Variants in PLEKHA6 observed in about 807,000 individuals in gnomAD.
The protein encoded by PLEKHA6 is pleckstrin homology domain containing A6.
A neutral mutation model predicts 116.7 loss-of-function variants in PLEKHA6; 60 were observed. The observed-to-expected ratio is 0.51, with a 90% CI of 0.42 to 0.64. The LOEUF (loss-of-function observed/expected upper bound fraction) is 0.64, where lower values mean the gene tolerates loss of function less well. PLEKHA6 is among the 30% of genes least tolerant of loss of function. The pLI is 0.00. For synonymous variants in PLEKHA6, 489 were observed against 556.1 expected (o/e 0.88, Z 1.70); for missense variants, 1,338 against 1,422.7 (o/e 0.94, Z 0.96).
At chr1:204,369,223 A>G (rs1044706158) in intron 2 of PLEKHA6, 4 of 152,230 alleles carry the variant, frequency 2.6e-5, no homozygotes, top group African/African-American at 9.7e-5. Context: ...CTGCATAGCA[A>G]CATTATACAA....
At chr1:204,377,011 T>G (rs969215716) in intron 1 of PLEKHA6, among the ~76,000 whole-genome samples, 1 of 152,172 alleles carries the variant, frequency 6.6e-6, no homozygotes. Flanking sequence ...AAAGGCGCGC[T>G]CTCTCTCAAG....
chr1:204,297,017 T>C, intron 1 of PLEKHA6: 1 of 641,806 alleles, frequency 1.6e-6, no homozygotes, highest in Non-Finnish European at 1.9e-6. Flanking sequence ...ATTACCACCA[T>C]AACCAGAGAG....
upstream of PLEKHA6, among the ~76,000 whole-genome samples, chr1:204,361,201 TTTTG>T (rs1323646992): frequency 6.6e-6 from 1 of 152,192 alleles, no homozygotes; most frequent in East Asian, 1.9e-4. Flanking sequence ...TGATTGCATT[TTTTG>T]TTTATTATTA....
rs1009359171 is a variant in PLEKHA6, at chr1:204,238,306, T to C, written c.2409+3069A>G. Among the ~76,000 whole-genome samples the C allele has an allele frequency of 2.6e-5, 4 of 152,166 alleles. No homozygotes were observed. The highest frequency in any genetic ancestry group is 2.6e-4 in the Admixed American group (4 of 15,284). ...ACAGATCGGGATGCTGTTTGGAGCC[T>C]TTGGCAGGCCCCCATAGGTGAATCA... On this transcript the variant is annotated intron_variant, in intron 17 of 22. Transcript: ENST00000272203. This position sits in a 1 kb window ranked among gnomAD's most constrained non-coding sequence, Gnocchi z 4.2.
intron 1 of PLEKHA6, among the ~76,000 whole-genome samples, chr1:204,329,931 AAG>A (rs1399096273): frequency 6.6e-6 from 1 of 151,770 alleles, no homozygotes; most frequent in African/African-American, 2.4e-5. Context: ...GTTTCTTCAG[AAG>A]AGAGAGAGAG....
chr1:204,288,399 T>C lies in PLEKHA6; in HGVS notation c.-94-13590A>G, dbSNP rs1572079362. On this transcript the variant is annotated intron_variant, in intron 1 of 22. Coordinates refer to ENST00000272203, the MANE Select transcript of PLEKHA6 (RefSeq NM_014935.5). ...TCCCATGTGGAGAAGGAGAGCCCTCTAGTCCCACCCAGGCCGCCCCGCCTG... is the reference window on the plus strand; with the variant it reads ...TCCCATGTGGAGAAGGAGAGCCCTCCAGTCCCACCCAGGCCGCCCCGCCTG... Among the ~76,000 whole-genome samples, 4 of 152,330 alleles carry C rather than the reference T, an allele frequency of 2.6e-5. 1 individual carries two copies. The highest frequency in any genetic ancestry group is 2.6e-4 in the Admixed American group (4 of 15,306).
chr1:204,347,263 G>T lies in PLEKHA6; in HGVS notation c.-95+12431C>A, dbSNP rs560242442. The T allele has an allele frequency of 6.9e-5, 68 of 991,476 alleles. 1 individual carries two copies. Among genetic ancestry groups the T allele is most frequent in the South Asian group, 6.0e-4 (47 of 78,600 alleles). 61.4% of individuals were successfully genotyped at this position (991,476 alleles called of 1,614,324 possible). A position where few individuals can be genotyped will look rare whatever the true frequency, so the allele number is the denominator to read the frequency against. On this transcript the variant is annotated intron_variant, in intron 1 of 22. Coordinates refer to ENST00000272203, the MANE Select transcript of PLEKHA6 (RefSeq NM_014935.5). The stretch of plus-strand genomic sequence containing the variant: ...CTTTCCCTTTGTATTCGTCATTTTG[G>T]CGAATTACTGGAAGATGGCAGTTAT...
At chr1:204,344,533 G>A (rs1672961012) in intron 1 of PLEKHA6, among the ~76,000 whole-genome samples, 1 of 150,180 alleles carries the variant, frequency 6.7e-6, no homozygotes. Flanking sequence ...CCGGGAGGCA[G>A]AGGTTGCAGT....
chr1:204,339,182 C>G (rs1311600072), intron 1 of PLEKHA6, among the ~76,000 whole-genome samples: 1 of 152,216 alleles, frequency 6.6e-6, no homozygotes, highest in Non-Finnish European at 1.5e-5. Flanking sequence ...CTGAGCTCCC[C>G]GATGACAGCT....
At chr1:204,224,693 C>T (rs562568409) in intron 21 of PLEKHA6, among the ~76,000 whole-genome samples, 1 of 152,358 alleles carries the variant, frequency 6.6e-6, no homozygotes, top group South Asian at 2.1e-4. Flanking sequence ...TCATTACACT[C>T]ATCGCACACA....
chr1:204,244,449 C>A (rs912501808), intron 15 of PLEKHA6, among the ~76,000 whole-genome samples: 3 of 152,066 alleles, frequency 2.0e-5, no homozygotes, highest in Non-Finnish European at 4.4e-5. Flanking sequence ...GTGTATCTTT[C>A]TAAGAGGGCC....
intron 1 of PLEKHA6, among the ~76,000 whole-genome samples, chr1:204,356,091 A>G (rs967929119): frequency 6.6e-6 from 1 of 152,164 alleles, no homozygotes; most frequent in African/African-American, 2.4e-5. Flanking sequence ...TAATGTAGCC[A>G]TTTCACTTCT....
intron 18 of PLEKHA6, 68 bp downstream of exon 18, chr1:204,230,345 A>G (rs1323059693): frequency 9.3e-6 from 12 of 1,295,762 alleles, no homozygotes; most frequent in South Asian, 3.1e-5. Flanking sequence ...CAAGCTGGCC[A>G]TGCCCTGGGA....
rs774056244 is a variant in PLEKHA6, at chr1:204,229,760, A to G, written c.2583+653T>C. On this transcript the variant is annotated intron_variant, in intron 18 of 22. Coordinates refer to ENST00000272203, the MANE Select transcript of PLEKHA6 (RefSeq NM_014935.5). Reference sequence around the variant, plus strand: ...ATATTATAGAAGTTCTAATCCATCAACTAGAATGTAAGCTGTTGAGGACAG... The same window carrying G: ...ATATTATAGAAGTTCTAATCCATCAGCTAGAATGTAAGCTGTTGAGGACAG... Among the ~76,000 whole-genome samples the G allele has an allele frequency of 8.5e-4, 130 of 152,202 alleles. 6 individuals are homozygous for G. Among genetic ancestry groups the G allele is most frequent in the Admixed American group, 1.4e-3 (21 of 15,286 alleles).
rs549207215 is a variant in PLEKHA6 at position 204,261,401 on chromosome 1, G to T, written c.429C>A (p.Pro143=). Residue 143 remains proline (P), a synonymous_variant, in exon 7 of 23, where the codon CCC becomes CCA. Coordinates refer to ENST00000272203, the MANE Select transcript of PLEKHA6 (RefSeq NM_014935.5). The surrounding 1 kb of genome is among the most constrained non-coding windows in gnomAD (Gnocchi z 4.0). ...CCTGGATCCAGGCCTCTTGCTCCTC[G>T]GGGCTCTCGGCACTGAAGAAGTAGG... ...VRTYFFSAES[P]EEQEAWIQAM... 2.6e-5 allele frequency: 42 copies of T among 1,613,830 alleles called. No homozygotes were observed. The highest frequency in any genetic ancestry group is 3.5e-5 in the Non-Finnish European group (41 of 1,179,948).
At chr1:204,224,530 C>T (rs1660068490) in intron 21 of PLEKHA6, among the ~76,000 whole-genome samples, 1 of 151,910 alleles carries the variant, frequency 6.6e-6, no homozygotes, top group South Asian at 2.1e-4. Flanking sequence ...ACCTTCCCTG[C>T]CGTCTGTGCA....
chr1:204,280,074 C>T (rs868405390), intron 1 of PLEKHA6, among the ~76,000 whole-genome samples: 1 of 152,148 alleles, frequency 6.6e-6, no homozygotes, highest in African/African-American at 2.4e-5. Flanking sequence ...CAGGGGCAGG[C>T]ACTCTGGAAG....
intron 1 of PLEKHA6, among the ~76,000 whole-genome samples, chr1:204,296,781 T>C (rs1210955235): frequency 2.0e-5 from 3 of 152,304 alleles, no homozygotes; most frequent in South Asian, 4.1e-4. Flanking sequence ...AAGTGCTCCG[T>C]TCTCCAGCCT....
intron 6 of PLEKHA6, among the ~76,000 whole-genome samples, chr1:204,262,961 C>T (rs1002549772): frequency 6.6e-6 from 1 of 151,384 alleles, no homozygotes; most frequent in African/African-American, 2.4e-5. Flanking sequence ...ACAGGCAGGG[C>T]TCGTGGGTGT....
Sources: allele counts gnomAD v4.1 joint callset (sites outside exome capture counted in the v4.1 genomes callset), GRCh38; gene constraint gnomAD v4.1.1; non-coding constraint Gnocchi (gnomAD v3.1); transcripts MANE v1.5; gene names NCBI Gene and HGNC (gene_info 2026-07-23, HGNC 2026-07-21).